Variants in PDE4D observed in about 807,000 individuals in gnomAD.
PDE4D encodes phosphodiesterase 4D, also known as 3',5'-cyclic-AMP phosphodiesterase 4D.
Under a neutral mutation model 87.4 loss-of-function variants are expected in PDE4D, and 24 were observed. The ratio of observed to expected loss-of-function variants is 0.27; its 90% CI spans 0.20 to 0.39. The LOEUF (loss-of-function observed/expected upper bound fraction) is 0.39. Among genes scored for constraint, PDE4D ranks in the 10% least tolerant of loss-of-function variants. The probability of loss-of-function intolerance (pLI) is 1.00; values close to 1 mark genes in which losing one functional copy is unlikely to be tolerated. For synonymous variants in PDE4D, 384 were observed against 383.2 expected, an observed-to-expected ratio of 1.00 and a Z score of -0.02; for missense variants, 714 against 1,041.0, an observed-to-expected ratio of 0.69 and a Z score of 4.32.
chr5:59,962,902 C>T (rs1295503539), intron 3 of PDE4D, among the ~76,000 whole-genome samples: 1 of 152,066 alleles, frequency 6.6e-6, no homozygotes, highest in African/African-American at 2.4e-5. Context: ...GTTATTTTTG[C>T]TCTTAAAGGG....
chr5:60,228,095 C>T (rs866323953), intron 1 of PDE4D, among the ~76,000 whole-genome samples: 34 of 152,056 alleles, frequency 2.2e-4, no homozygotes, highest in Middle Eastern at 6.3e-3. Context: ...ATAATTCAAA[C>T]ACACATCTCT....
intron 5 of PDE4D, among the ~76,000 whole-genome samples, chr5:59,132,190 C>T (rs547073465): frequency 9.2e-5 from 14 of 152,188 alleles, no homozygotes; most frequent in Admixed American, 7.9e-4. Flanking sequence ...ACTCCCCCAC[C>T]GTTCTTTGGA....
chr5:59,186,479 T>C (rs998179070), intron 3 of PDE4D, among the ~76,000 whole-genome samples: 2 of 152,208 alleles, frequency 1.3e-5, no homozygotes, highest in Non-Finnish European at 2.9e-5. Context: ...ATGCCTAGCA[T>C]TGGTAATTCA....
chr5:59,011,840 G>A (rs1217889710), intron 6 of PDE4D, among the ~76,000 whole-genome samples: 1 of 152,098 alleles, frequency 6.6e-6, no homozygotes, highest in East Asian at 1.9e-4. Flanking sequence ...GCAACTCCAA[G>A]ACACATAATT....
chr5:59,509,989 A>T (rs975232555), intron 1 of PDE4D, among the ~76,000 whole-genome samples: 1 of 149,270 alleles, frequency 6.7e-6, no homozygotes, highest in African/African-American at 2.4e-5. Context: ...TTCATGAATT[A>T]ACTAATATTT....
chr5:59,132,490 T>G (rs1488962696), intron 5 of PDE4D, among the ~76,000 whole-genome samples: 1 of 152,246 alleles, frequency 6.6e-6, no homozygotes, highest in Non-Finnish European at 1.5e-5. Flanking sequence ...TAAAGAATAT[T>G]AAATCTCAAA....
chr5:59,068,029 G>C (rs1298701503), intron 5 of PDE4D, among the ~76,000 whole-genome samples: 2 of 152,160 alleles, frequency 1.3e-5, no homozygotes, highest in African/African-American at 2.4e-5. Context: ...TTCAATTGTA[G>C]ATCTTGAAGT....
At chr5:59,224,691 C>T (rs1753349073) in intron 1 of PDE4D, among the ~76,000 whole-genome samples, 1 of 152,158 alleles carries the variant, frequency 6.6e-6, no homozygotes, top group Admixed American at 6.5e-5. Flanking sequence ...CTTGTTTCCC[C>T]TAGAATTCAT....
intron 1 of PDE4D, among the ~76,000 whole-genome samples, chr5:59,479,752 T>C (rs1197930240): frequency 1.3e-5 from 2 of 152,172 alleles, no homozygotes; most frequent in Non-Finnish European, 2.9e-5. Flanking sequence ...ATTTTTACAA[T>C]AGATTGTTGG....
intron 2 of PDE4D, among the ~76,000 whole-genome samples, chr5:60,166,865 T>TAA (rs1308881720): frequency 1.3e-5 from 2 of 152,164 alleles, no homozygotes; most frequent in Admixed American, 6.5e-5. Flanking sequence ...ACTTTTAATA[T>TAA]ATCACCAAGT....
intron 1 of PDE4D, among the ~76,000 whole-genome samples, chr5:59,472,458 T>C (rs1053873311): frequency 2.0e-5 from 3 of 152,174 alleles, no homozygotes; most frequent in Non-Finnish European, 4.4e-5. Context: ...CCCATTTCAT[T>C]TGCTAACATT....
intron 1 of PDE4D, among the ~76,000 whole-genome samples, chr5:60,422,163 G>T (rs37703): frequency 6.6e-6 from 1 of 151,962 alleles, no homozygotes; most frequent in East Asian, 1.9e-4. Flanking sequence ...AGCAAGGCAG[G>T]CCAACATTCA....
chr5:59,720,721 C>T (rs1369797162), intron 1 of PDE4D, among the ~76,000 whole-genome samples: 1 of 152,126 alleles, frequency 6.6e-6, no homozygotes, highest in African/African-American at 2.4e-5. Flanking sequence ...ACAAGGAACA[C>T]TGACCAGTGA....
At chr5:59,321,687 C>G (rs1005165589) in intron 1 of PDE4D, among the ~76,000 whole-genome samples, 1 of 152,100 alleles carries the variant, frequency 6.6e-6, no homozygotes, top group East Asian at 1.9e-4. Context: ...CTATATGCAG[C>G]CTTCCTGAGT....
intron 2 of PDE4D, among the ~76,000 whole-genome samples, chr5:60,128,731 C>T (rs561524591): frequency 4.6e-5 from 7 of 152,286 alleles, no homozygotes; most frequent in African/African-American, 7.2e-5. Context: ...AAGCTGGCTA[C>T]GTTGGAAGCA....
intron 3 of PDE4D, among the ~76,000 whole-genome samples, chr5:59,907,387 C>T (rs1051446152): frequency 2.6e-5 from 4 of 151,842 alleles, no homozygotes; most frequent in African/African-American, 9.7e-5. Flanking sequence ...TAAGAGAACT[C>T]GTGGACACAA....
intron 2 of PDE4D, among the ~76,000 whole-genome samples, chr5:60,094,514 A>G (rs1022637377): frequency 6.7e-6 from 1 of 150,326 alleles, no homozygotes; most frequent in African/African-American, 2.4e-5. Flanking sequence ...TGGTTTGGAG[A>G]TAAAGTCTTT....
chr5:59,785,463 T>C (rs1035419993), intron 1 of PDE4D, among the ~76,000 whole-genome samples: 3 of 152,198 alleles, frequency 2.0e-5, no homozygotes, highest in Non-Finnish European at 2.9e-5. Flanking sequence ...CAAAGATATA[T>C]AGATCTGGAT....
chr5:59,162,633 G>C (rs1314209032), intron 5 of PDE4D, among the ~76,000 whole-genome samples: 1 of 150,932 alleles, frequency 6.6e-6, no homozygotes, highest in Non-Finnish European at 1.5e-5. Context: ...GAGCCCAGGA[G>C]TGCAAGACTA....
Sources: allele counts gnomAD v4.1 joint callset (sites outside exome capture counted in the v4.1 genomes callset), GRCh38; gene constraint gnomAD v4.1.1; transcripts MANE v1.5; gene names NCBI Gene and HGNC (gene_info 2026-07-23, HGNC 2026-07-21).